The following BCKDHB variants were observed in gnomAD, a reference collection of about 807,000 sequenced individuals.
The protein encoded by BCKDHB is branched chain keto acid dehydrogenase E1 subunit beta, also known as 2-oxoisovalerate dehydrogenase subunit beta, mitochondrial.
BCKDHB carries 41 observed loss-of-function variants against 48.5 expected under a neutral mutation model. That is an observed-to-expected ratio of 0.85 (90% CI 0.66 to 1.10). The LOEUF (loss-of-function observed/expected upper bound fraction) is 1.10. Ranked by LOEUF, BCKDHB falls within the 50% of genes least tolerant of loss-of-function variation. The probability of loss-of-function intolerance (pLI) is 0.00; values close to 1 mark genes in which losing one functional copy is unlikely to be tolerated. For synonymous variants in BCKDHB, 201 were observed against 174.8 expected (o/e 1.15, Z -1.18); for missense variants, 496 against 494.2 (o/e 1.00, Z -0.03).
the BCKDHB span, among the ~76,000 whole-genome samples, chr6:80,425,039 T>C: frequency 6.6e-6 from 1 of 152,198 alleles, no homozygotes; most frequent in African/African-American, 2.4e-5. Flanking sequence ...TATAGATGAC[T>C]GTCTGAAAAA....
intron 9 of BCKDHB, among the ~76,000 whole-genome samples, chr6:80,324,835 C>G (rs1255400769): frequency 6.6e-6 from 1 of 152,154 alleles, no homozygotes; most frequent in Non-Finnish European, 1.5e-5. Flanking sequence ...AGCAAGAGTT[C>G]TGAATTCACC....
At chr6:80,372,885 A>C in the BCKDHB span, among the ~76,000 whole-genome samples, 1 of 152,108 alleles carries the variant, frequency 6.6e-6, no homozygotes, top group Non-Finnish European at 1.5e-5. Flanking sequence ...ATCTATGTTC[A>C]TCAGGGATCT....
At chr6:80,257,837 ATAGACGGGCACATTTACCTT>A (rs961997663) in intron 8 of BCKDHB, among the ~76,000 whole-genome samples, 6 of 152,104 alleles carry the variant, frequency 3.9e-5, no homozygotes, top group African/African-American at 1.4e-4. Context: ...AGCCCAGCAA[ATAGACGGGCACATTTACCTT>A]TTCTCCTTTT....
intron 9 of BCKDHB, among the ~76,000 whole-genome samples, chr6:80,294,280 T>C (rs1401416213): frequency 1.3e-5 from 2 of 152,208 alleles, no homozygotes; most frequent in East Asian, 3.9e-4. Context: ...AATCTCTTAA[T>C]CCTGTTATCT....
chr6:80,325,040 G>A (rs1415797261), intron 9 of BCKDHB, among the ~76,000 whole-genome samples: 1 of 152,136 alleles, frequency 6.6e-6, no homozygotes, highest in Non-Finnish European at 1.5e-5. Context: ...TGCAAATTAT[G>A]AGTGGTCTTG....
chr6:80,158,969 T>A (rs1772185565), intron 3 of BCKDHB, among the ~76,000 whole-genome samples: 1 of 152,204 alleles, frequency 6.6e-6, no homozygotes, highest in South Asian at 2.1e-4. Context: ...TACCTCTGGA[T>A]CATGAGTAGC....
chr6:80,229,681 A>T (rs1006197277), intron 8 of BCKDHB, among the ~76,000 whole-genome samples: 1 of 152,202 alleles, frequency 6.6e-6, no homozygotes, highest in East Asian at 1.9e-4. Context: ...TTTGAAATCT[A>T]GAAGACTTTC....
At chr6:80,400,232 G>T in the BCKDHB span, among the ~76,000 whole-genome samples, 1 of 151,938 alleles carries the variant, frequency 6.6e-6, no homozygotes, top group Non-Finnish European at 1.5e-5. Flanking sequence ...TTCACAAATG[G>T]GATCTTATCA....
intron 9 of BCKDHB, among the ~76,000 whole-genome samples, chr6:80,318,410 G>A (rs2128000305): frequency 6.6e-6 from 1 of 152,272 alleles, no homozygotes; most frequent in Admixed American, 6.5e-5. Context: ...TTGGGGGCTA[G>A]GCGTGGTGGC....
chr6:80,252,734 T>G (rs1043003843), intron 8 of BCKDHB, among the ~76,000 whole-genome samples: 3 of 152,176 alleles, frequency 2.0e-5, no homozygotes, highest in African/African-American at 7.2e-5. Flanking sequence ...CAAAGTATAG[T>G]TATGTATAAA....
chr6:80,326,214 G>C (rs1769024565), intron 9 of BCKDHB, among the ~76,000 whole-genome samples: 1 of 152,118 alleles, frequency 6.6e-6, no homozygotes, highest in African/African-American at 2.4e-5. Flanking sequence ...TATTTTTAAA[G>C]ATGTGGGGAT....
rs1434123380 is a variant in BCKDHB at position 80,245,049 on chromosome 6, T to C, written c.952-28086T>C. ...ACCTCTCTATCAGTTTCCTCATCTA[T>C]AAAACAGAGATATAATAGTAGTCTT... is the stretch of plus-strand genomic sequence containing the variant. On this transcript the variant is annotated intron_variant, in intron 8 of 9. Coordinates refer to ENST00000320393, the MANE Select transcript of BCKDHB (RefSeq NM_183050.4). Among the ~76,000 whole-genome samples, 23 of 151,478 alleles carry C rather than the reference T, an allele frequency of 1.5e-4. 1 individual carries two copies. The highest frequency in any genetic ancestry group is 1.5e-3 in the Admixed American group (23 of 15,164).
At chr6:80,329,355 A>G (rs1769206788) in intron 9 of BCKDHB, among the ~76,000 whole-genome samples, 1 of 152,218 alleles carries the variant, frequency 6.6e-6, no homozygotes, top group South Asian at 2.1e-4. Flanking sequence ...TGTCTCACTT[A>G]GATTACCAGC....
At chr6:80,394,844 A>G in the BCKDHB span, among the ~76,000 whole-genome samples, 1 of 152,142 alleles carries the variant, frequency 6.6e-6, no homozygotes, top group Admixed American at 6.5e-5. Context: ...AGAGGGACCC[A>G]GTGGGAGGTA....
intron 8 of BCKDHB, among the ~76,000 whole-genome samples, chr6:80,256,284 GTACT>G (rs1246948450): frequency 6.6e-6 from 1 of 152,126 alleles, no homozygotes; most frequent in Non-Finnish European, 1.5e-5. Flanking sequence ...ATTACAGAGT[GTACT>G]TACATGAATC....
intron 8 of BCKDHB, among the ~76,000 whole-genome samples, chr6:80,268,329 G>C (rs550261319): frequency 3.9e-5 from 6 of 151,992 alleles, no homozygotes; most frequent in Non-Finnish European, 8.8e-5. Context: ...GATTAATGAA[G>C]TATACGTGCT....
chr6:80,447,413 G>C, the BCKDHB span, among the ~76,000 whole-genome samples: 1 of 150,630 alleles, frequency 6.6e-6, no homozygotes, highest in Non-Finnish European at 1.5e-5. Context: ...GCACGTTAGA[G>C]GTGTACAATT....
At chr6:80,244,964 T>C (rs1776547351) in intron 8 of BCKDHB, among the ~76,000 whole-genome samples, 1 of 152,210 alleles carries the variant, frequency 6.6e-6, no homozygotes, top group Non-Finnish European at 1.5e-5. Context: ...CAACAAACTT[T>C]TGTTGAGCAT....
chr6:80,176,440 CTT>C (rs1324684178), intron 6 of BCKDHB, among the ~76,000 whole-genome samples: 1 of 152,104 alleles, frequency 6.6e-6, no homozygotes, highest in African/African-American at 2.4e-5. Flanking sequence ...ACACATTTAA[CTT>C]TTCTTTGATG....
Sources: allele counts gnomAD v4.1 joint callset (sites outside exome capture counted in the v4.1 genomes callset), GRCh38; gene constraint gnomAD v4.1.1; transcripts MANE v1.5; gene names NCBI Gene and HGNC (gene_info 2026-07-23, HGNC 2026-07-21).